The following PXDNL variants were observed in gnomAD, a reference collection of about 807,000 sequenced individuals.
PXDNL encodes the protein probable oxidoreductase PXDNL.
Under a neutral mutation model 150.8 loss-of-function variants are expected in PXDNL, and 145 were observed. That is an observed-to-expected ratio of 0.96 (90% CI 0.84 to 1.10). The LOEUF is 1.10. Among genes scored for constraint, PXDNL ranks in the 50% least tolerant of loss-of-function variants. The pLI is 0.00. For synonymous variants in PXDNL, 757 were observed against 725.7 expected (o/e 1.04, Z -0.69); for missense variants, 2,087 against 1,873.9 (o/e 1.11, Z -2.10).
chr8:51,699,760 G>A (rs1816212491), intron 1 of PXDNL, among the ~76,000 whole-genome samples: 1 of 152,018 alleles, frequency 6.6e-6, no homozygotes, highest in African/African-American at 2.4e-5. Context: ...GTTATTAATT[G>A]GCCTAATTTC....
chr8:51,486,779 TATATATATATA>T (rs1318825369), intron 5 of PXDNL, among the ~76,000 whole-genome samples: 363 of 14,834 alleles, frequency 0.024, 13 homozygotes, highest in East Asian at 0.051. Flanking sequence ...TATATATATA[TATATATATATA>T]TATATTTTTT....
At chr8:51,801,548 C>T (rs2037620757) in intron 1 of PXDNL, among the ~76,000 whole-genome samples, 1 of 152,098 alleles carries the variant, frequency 6.6e-6, no homozygotes. Context: ...GTGATGTCAC[C>T]CCCGGAGGCC....
intron 2 of PXDNL, among the ~76,000 whole-genome samples, chr8:51,615,542 A>G (rs1230625567): frequency 2.0e-5 from 3 of 152,184 alleles, no homozygotes; most frequent in Non-Finnish European, 4.4e-5. Flanking sequence ...GGGAAAAGAG[A>G]GGAAAAGGCT....
chr8:51,749,906 G>A lies in PXDNL; in HGVS notation c.164+59275C>T, dbSNP rs572095123. 2.6e-5 allele frequency among the ~76,000 whole-genome samples: 4 copies of A among 152,020 alleles called. No homozygotes were observed. In the South Asian group the frequency reaches 8.3e-4, roughly 32 times the overall value. On this transcript the variant is annotated intron_variant, in intron 1 of 22. Transcript: ENST00000356297. ...AGTAGAGACGGGGTTTCACCATGTT[G>A]GCCAGGATGGTCTCGATCTTCTGAC...
intron 16 of PXDNL, 112 bp downstream of exon 16, chr8:51,411,138 A>G: frequency 1.1e-6 from 1 of 934,692 alleles, no homozygotes. Flanking sequence ...GAGTAAATTA[A>G]TTTCTAAATC....
At chr8:51,381,989 C>T (rs569980299) in intron 17 of PXDNL, among the ~76,000 whole-genome samples, 2 of 152,122 alleles carry the variant, frequency 1.3e-5, no homozygotes, top group African/African-American at 2.4e-5. Context: ...TGTGCAAGAA[C>T]GTGCAGGTTT....
chr8:51,786,435 C>G (rs953863678), intron 1 of PXDNL, among the ~76,000 whole-genome samples: 4 of 152,152 alleles, frequency 2.6e-5, no homozygotes, highest in Non-Finnish European at 4.4e-5. Flanking sequence ...TCTTGAACTC[C>G]TGACCTCAAG....
At chr8:51,430,254 T>A (rs1809218455) in intron 12 of PXDNL, among the ~76,000 whole-genome samples, 1 of 152,242 alleles carries the variant, frequency 6.6e-6, no homozygotes, top group Admixed American at 6.5e-5. Context: ...TGGAAGGCGA[T>A]CTGCTTCTTT....
chr8:51,588,819 T>C (rs7834664), intron 3 of PXDNL, among the ~76,000 whole-genome samples: 7,763 of 152,242 alleles, frequency 0.051, 461 homozygotes, highest in African/African-American at 0.15. Context: ...CCTTCACTAA[T>C]GAGGAGCAGG....
intron 2 of PXDNL, among the ~76,000 whole-genome samples, chr8:51,612,710 C>T (rs148997914): frequency 6.6e-6 from 1 of 152,304 alleles, no homozygotes; most frequent in Non-Finnish European, 1.5e-5. Flanking sequence ...GAGAAGTTGG[C>T]AGCCTGCTTC....
At chr8:51,541,036 G>A (rs1170032036) in intron 4 of PXDNL, among the ~76,000 whole-genome samples, 4 of 151,922 alleles carry the variant, frequency 2.6e-5, no homozygotes, top group Non-Finnish European at 5.9e-5. Flanking sequence ...AAGGCATGTG[G>A]ATCACAAGGT....
chr8:51,540,003 A>G (rs1563456391), intron 4 of PXDNL, among the ~76,000 whole-genome samples: 1 of 150,976 alleles, frequency 6.6e-6, no homozygotes, highest in Non-Finnish European at 1.5e-5. Context: ...CTCAATCTCA[A>G]CCTCCGCCTC....
chr8:51,631,849 T>C (rs1814495283), intron 2 of PXDNL, among the ~76,000 whole-genome samples: 1 of 152,102 alleles, frequency 6.6e-6, no homozygotes, highest in Admixed American at 6.6e-5. Context: ...ACCTCGTGTC[T>C]CATTTCTCAA....
intron 19 of PXDNL, among the ~76,000 whole-genome samples, chr8:51,347,551 G>A (rs1806195125): frequency 6.6e-6 from 1 of 151,988 alleles, no homozygotes; most frequent in African/African-American, 2.4e-5. Flanking sequence ...AATTAAAAAC[G>A]TCTTTATTTA....
intron 1 of PXDNL, among the ~76,000 whole-genome samples, chr8:51,805,463 T>C (rs867730489): frequency 6.8e-5 from 10 of 148,092 alleles, no homozygotes; most frequent in Non-Finnish European, 1.2e-4. Flanking sequence ...GATATATATA[T>C]TATATATATA....
At chr8:51,464,986 G>A (rs923665325) in intron 8 of PXDNL, among the ~76,000 whole-genome samples, 2 of 152,170 alleles carry the variant, frequency 1.3e-5, no homozygotes, top group African/African-American at 4.8e-5. Context: ...ACAAAGAAGA[G>A]CTTGTGCGAA....
intron 1 of PXDNL, chr8:51,721,719 G>T (rs557184490): frequency 4.3e-6 from 2 of 461,432 alleles, no homozygotes; most frequent in Admixed American, 2.2e-5. Flanking sequence ...CCACAAGATC[G>T]GGAACTTCAC....
At chr8:51,676,178 A>G (rs939317813) in intron 1 of PXDNL, among the ~76,000 whole-genome samples, 1 of 151,986 alleles carries the variant, frequency 6.6e-6, no homozygotes, top group Non-Finnish European at 1.5e-5. Context: ...CCTCCTAAGA[A>G]TGCTCCACTT....
chr8:51,393,523 A>T (rs28580739), intron 17 of PXDNL, among the ~76,000 whole-genome samples: 68 of 152,364 alleles, frequency 4.5e-4, no homozygotes, highest in Middle Eastern at 3.4e-3. Flanking sequence ...CTAAAGCTGA[A>T]GCAAAACAGA....
Sources: allele counts gnomAD v4.1 joint callset (sites outside exome capture counted in the v4.1 genomes callset), GRCh38; gene constraint gnomAD v4.1.1; transcripts MANE v1.5; gene names NCBI Gene and HGNC (gene_info 2026-07-23, HGNC 2026-07-21).